The following PXDN variants were observed in gnomAD, a reference collection of about 807,000 sequenced individuals.
PXDN encodes peroxidasin homolog.
PXDN carries 77 observed loss-of-function variants against 140.3 expected under a neutral mutation model. The ratio of observed to expected loss-of-function variants is 0.55; its 90% CI spans 0.46 to 0.66. PXDN has a LOEUF of 0.66. Among genes scored for constraint, PXDN ranks in the 30% least tolerant of loss-of-function variants. The pLI is 0.00. For missense variants in PXDN, 1,838 were observed against 2,039.5 expected (o/e 0.90, Z 1.90); for synonymous variants, 911 against 857.4 (o/e 1.06, Z -1.09).
chr2:1,689,847 T>C (rs1684147635), intron 3 of PXDN, among the ~76,000 whole-genome samples: 1 of 151,714 alleles, frequency 6.6e-6, no homozygotes, highest in African/African-American at 2.4e-5. Flanking sequence ...TACTTCATCA[T>C]AGAGTTGACC....
chr2:1,716,160 G>T (rs575093444), intron 1 of PXDN, among the ~76,000 whole-genome samples: 1 of 152,040 alleles, frequency 6.6e-6, no homozygotes, highest in Non-Finnish European at 1.5e-5. Context: ...GTGGTGGGCC[G>T]GGCACAGTGG....
Position 1,744,509 on chromosome 2 carries a change from C to A in PXDN, c.-54G>T. On this transcript the variant is annotated 5_prime_UTR_variant, in exon 1 of 23. Transcript: ENST00000252804. ...GCACGGAGCCACCACGGCCGGCTCC[C>A]GACTGCGCCCGCCCGGCCGCGGCCC... 1 of 1,313,654 alleles carries A rather than the reference C, an allele frequency of 7.6e-7. No individual in the cohort carries two copies. Among genetic ancestry groups the A allele is most frequent in the Non-Finnish European group, 9.6e-7 (1 of 1,036,982 alleles). 81.4% of individuals were successfully genotyped at this position (1,313,654 alleles called of 1,614,324 possible).
chr2:1,669,085 C>T (rs951621940), intron 9 of PXDN, among the ~76,000 whole-genome samples: 20 of 151,996 alleles, frequency 1.3e-4, no homozygotes, highest in South Asian at 4.1e-4. Context: ...ATAAAGAAAA[C>T]GTAGCACATA....
intron 1 of PXDN, among the ~76,000 whole-genome samples, chr2:1,703,506 G>C (rs1684500036): frequency 3.4e-5 from 1 of 29,594 alleles, no homozygotes; most frequent in Non-Finnish European, 6.3e-5. Context: ...GTGAAGGGGG[G>C]ACAACTCCAG....
chr2:1,662,400 T>C (rs1229496979), intron 12 of PXDN, among the ~76,000 whole-genome samples: 1 of 152,284 alleles, frequency 6.6e-6, no homozygotes, highest in East Asian at 1.9e-4. Context: ...TCCCCGCCTC[T>C]CAGGGCAAGG....
intron 1 of PXDN, among the ~76,000 whole-genome samples, chr2:1,696,956 A>G (rs1684313118): frequency 6.6e-6 from 1 of 152,338 alleles, no homozygotes; most frequent in African/African-American, 2.4e-5. Flanking sequence ...CAAGGTCACG[A>G]AGACAAATAC....
chr2:1,692,484 T>C (rs774953937), intron 2 of PXDN: 11 of 471,404 alleles, frequency 2.3e-5, no homozygotes, highest in South Asian at 1.4e-4. Context: ...CAACAGTGGA[T>C]AGGCGGCCCA....
intron 12 of PXDN, among the ~76,000 whole-genome samples, chr2:1,663,128 A>T (rs1039391986): frequency 6.6e-6 from 1 of 152,170 alleles, no homozygotes; most frequent in Non-Finnish European, 1.5e-5. Flanking sequence ...GCGACATCCA[A>T]AAAGAACAAG....
At chr2:1,739,334 C>T (rs146866295) in intron 1 of PXDN, among the ~76,000 whole-genome samples, 141 of 152,254 alleles carry the variant, frequency 9.3e-4, no homozygotes, top group Non-Finnish European at 1.6e-3. Context: ...AAGTCACCCA[C>T]GCTGGGGAGA....
chr2:1,658,505 C>A (rs992721160), intron 14 of PXDN, among the ~76,000 whole-genome samples: 1 of 152,016 alleles, frequency 6.6e-6, no homozygotes, highest in Non-Finnish European at 1.5e-5. Flanking sequence ...CCCCGCAGAC[C>A]CCAGCTGTGG....
rs561907683 is a variant in PXDN at position 1,665,052 on chromosome 2, C to T, written c.1314G>A (p.Thr438=). Residue 438 remains threonine (T), a synonymous_variant, in exon 11 of 23, where the codon ACG becomes ACA. Transcript: ENST00000252804. ...CCTCAATAACGACTCTGTCCTGAGG[C>T]GTCACAGTGAACTGAGGAAGAGCTT... ...IVQALPQFTV[T]PQDRVVIEGQ... 9 of 1,609,486 alleles carry T rather than the reference C, an allele frequency of 5.6e-6. No individual in the cohort carries two copies. Among genetic ancestry groups the T allele is most frequent in the Admixed American group, 3.4e-5 (2 of 59,650 alleles).
intron 1 of PXDN, among the ~76,000 whole-genome samples, chr2:1,726,795 C>T (rs923514483): frequency 2.0e-5 from 3 of 152,142 alleles, no homozygotes; most frequent in African/African-American, 7.2e-5. Context: ...AGAGCTTTTA[C>T]TTTAATGTAG....
At chr2:1,681,574 G>A (rs920307876) in intron 6 of PXDN, among the ~76,000 whole-genome samples, 4 of 152,080 alleles carry the variant, frequency 2.6e-5, no homozygotes, top group African/African-American at 9.7e-5. Context: ...GAGGGGAAGG[G>A]GAGGCTACAC....
intron 1 of PXDN, among the ~76,000 whole-genome samples, chr2:1,721,359 A>T (rs1467299232): frequency 6.6e-6 from 1 of 152,216 alleles, no homozygotes; most frequent in African/African-American, 2.4e-5. Context: ...TCCTGTTCAG[A>T]AAGACCCAGT....
At chr2:1,690,010 G>A (rs1684150317) in intron 3 of PXDN, among the ~76,000 whole-genome samples, 1 of 152,146 alleles carries the variant, frequency 6.6e-6, no homozygotes, top group South Asian at 2.1e-4. Flanking sequence ...CAATATAGAA[G>A]GCTGAAATAA....
chr2:1,744,465 C>CGCGG lies in PXDN; in HGVS notation c.-14_-11dup. 6.9e-7 allele frequency: 1 copy of CGCGG among 1,444,190 alleles called. No individual in the cohort carries two copies. 89.5% of individuals were successfully genotyped at this position (1,444,190 alleles called of 1,614,324 possible). On this transcript the variant is annotated 5_prime_UTR_variant, in exon 1 of 23. Transcript: ENST00000252804. ...TGGAGCGCTTGGCCATGGCCGACGG[C>CGCGG]GCGGACGGACGCTCGGACGCACGGA... is the stretch of plus-strand genomic sequence containing the variant.
chr2:1,716,271 C>A (rs1036908387), intron 1 of PXDN, among the ~76,000 whole-genome samples: 1 of 151,922 alleles, frequency 6.6e-6, no homozygotes, highest in Non-Finnish European at 1.5e-5. Context: ...AACCCCATCT[C>A]TTATAAAAAT....
At chr2:1,637,961 A>T (rs1227401066) in intron 21 of PXDN, among the ~76,000 whole-genome samples, 22 of 149,868 alleles carry the variant, frequency 1.5e-4, no homozygotes, top group South Asian at 8.6e-4. Flanking sequence ...ACCTGGTCTC[A>T]AGGCTGCAGA....
At chr2:1,684,318 C>G (rs1320222092) in intron 4 of PXDN, among the ~76,000 whole-genome samples, 167 bp from the exon 5 acceptor site, 3 of 152,100 alleles carry the variant, frequency 2.0e-5, no homozygotes, top group African/African-American at 7.2e-5. Context: ...TCAAATGATT[C>G]AATAAATACA....
Sources: gnomAD v4.1 joint callset for allele counts (sites outside exome capture counted in the v4.1 genomes callset) on GRCh38, gnomAD v4.1.1 for gene constraint, MANE v1.5 for transcripts, NCBI Gene and HGNC (gene_info 2026-07-23, HGNC 2026-07-21) for gene names.